Variants in ATAD2B observed in about 807,000 individuals in gnomAD.
The protein encoded by ATAD2B is ATPase family AAA domain-containing protein 2B.
ATAD2B carries 40 observed loss-of-function variants against 167.6 expected under a neutral mutation model. That is an observed-to-expected ratio of 0.24 (90% CI 0.19 to 0.31). ATAD2B has a LOEUF of 0.31. Ranked by LOEUF, ATAD2B falls within the 10% of genes least tolerant of loss-of-function variation. The pLI, the probability that ATAD2B is intolerant of heterozygous loss-of-function variation, is 1.00. For missense variants in ATAD2B, 1,242 were observed against 1,757.2 expected (o/e 0.71, Z 5.24); for synonymous variants, 579 against 596.5 (o/e 0.97, Z 0.43).
At chr2:23,696,736 G>C in the ATAD2B span, 1 of 482,698 alleles carries the variant, frequency 2.1e-6, no homozygotes, top group Non-Finnish European at 3.6e-6. This position sits in a 1 kb window ranked among gnomAD's most constrained non-coding sequence, Gnocchi z 5.5. Flanking sequence ...CAGTCGCTGA[G>C]ATGGGAGATG....
intron 21 of ATAD2B, 55 bp downstream of exon 21, chr2:23,785,972 A>AT (rs1680752780): frequency 1.4e-6 from 2 of 1,433,514 alleles, no homozygotes; most frequent in South Asian, 1.5e-5. Context: ...AGATGTCAAT[A>AT]TTTTTTTCTT....
At chr2:23,912,634 T>TA (rs554981046) in intron 1 of ATAD2B, among the ~76,000 whole-genome samples, 21 of 151,278 alleles carry the variant, frequency 1.4e-4, no homozygotes, top group South Asian at 4.2e-4. Context: ...AAATTTACTT[T>TA]AAAAAAAAAC....
the ATAD2B span, among the ~76,000 whole-genome samples, chr2:23,740,648 G>A: frequency 2.0e-5 from 3 of 152,150 alleles, no homozygotes; most frequent in African/African-American, 7.2e-5. Flanking sequence ...GCACAAGACA[G>A]GGATGCCCTC....
chr2:23,798,872 A>G (rs542187264), intron 18 of ATAD2B, among the ~76,000 whole-genome samples: 4 of 152,340 alleles, frequency 2.6e-5, no homozygotes, highest in East Asian at 3.9e-4. Context: ...TCTTAGTTCA[A>G]TATTTTATAA....
chr2:23,864,177 G>A (rs566108866), intron 11 of ATAD2B, among the ~76,000 whole-genome samples: 1 of 151,916 alleles, frequency 6.6e-6, no homozygotes, highest in Non-Finnish European at 1.5e-5. Flanking sequence ...GCTAATTTTT[G>A]TATTTTCAGT....
intron 22 of ATAD2B, among the ~76,000 whole-genome samples, chr2:23,770,693 T>C (rs572102134): frequency 1.4e-4 from 22 of 152,236 alleles, no homozygotes; most frequent in East Asian, 1.9e-4. Flanking sequence ...TCCTATTCCA[T>C]TGACCTATTT....
intron 15 of ATAD2B, among the ~76,000 whole-genome samples, chr2:23,826,748 G>A (rs1688318898): frequency 6.6e-6 from 1 of 152,098 alleles, no homozygotes; most frequent in African/African-American, 2.4e-5. Context: ...AGAAAAATAT[G>A]ATTAGAGTTG....
In ATAD2B at chr2:23,926,848, G is replaced by C. The variant is rs1704949818; in HGVS notation, c.-78C>G. On this transcript the variant is annotated 5_prime_UTR_variant, in exon 1 of 28. Coordinates refer to ENST00000238789, the MANE Select transcript of ATAD2B (RefSeq NM_017552.4). The stretch of plus-strand genomic sequence containing the variant: ...CCGGCCCGCCGGCCGGTCAGTCAGG[G>C]CCAGCGGAGCCGAGCCGGGCAATGA... 7.0e-6 allele frequency: 10 copies of C among 1,433,798 alleles called. No homozygotes were observed. In the South Asian group the frequency reaches 1.5e-4, roughly 21 times the overall value. 88.8% of individuals were successfully genotyped at this position (1,433,798 alleles called of 1,614,324 possible).
At chr2:23,792,264 G>T (rs948708158) in intron 19 of ATAD2B, among the ~76,000 whole-genome samples, 1 of 151,814 alleles carries the variant, frequency 6.6e-6, no homozygotes, top group Admixed American at 6.6e-5. Context: ...GGCCAGGATG[G>T]TCTCGATCTC....
intron 17 of ATAD2B, among the ~76,000 whole-genome samples, chr2:23,815,156 A>G (rs1686248326): frequency 6.6e-6 from 1 of 152,166 alleles, no homozygotes; most frequent in African/African-American, 2.4e-5. Context: ...TTTAGGGAAG[A>G]TAACTCTATC....
At chr2:23,746,493 G>A (rs1381253933), downstream of ATAD2B, among the ~76,000 whole-genome samples, 1 of 152,188 alleles carries the variant, frequency 6.6e-6, no homozygotes. Context: ...ACAATGTCTT[G>A]CTCATCTTTA....
chr2:23,889,223 A>G (rs1699120352), intron 2 of ATAD2B, among the ~76,000 whole-genome samples: 3 of 152,076 alleles, frequency 2.0e-5, no homozygotes, highest in Non-Finnish European at 4.4e-5. Flanking sequence ...GCTGGAGTAC[A>G]GTGGCGCGAT....
chr2:23,793,199 A>G (rs1682084416), intron 19 of ATAD2B, among the ~76,000 whole-genome samples: 1 of 152,180 alleles, frequency 6.6e-6, no homozygotes, highest in Non-Finnish European at 1.5e-5. Flanking sequence ...AACATTTAAG[A>G]TAACAAAATG....
chr2:23,873,658 A>T (rs1696349088), intron 8 of ATAD2B, among the ~76,000 whole-genome samples: 1 of 152,088 alleles, frequency 6.6e-6, no homozygotes, highest in Non-Finnish European at 1.5e-5. Flanking sequence ...TTTCTCAAAT[A>T]TTTTCGAGGT....
At chr2:23,786,824 A>G (rs1445342678) in intron 20 of ATAD2B, among the ~76,000 whole-genome samples, 1 of 152,134 alleles carries the variant, frequency 6.6e-6, no homozygotes, top group East Asian at 1.9e-4. Flanking sequence ...TTCAACACAA[A>G]TATCTCCCAG....
At chr2:23,684,604 T>G in the ATAD2B span, 1 of 1,392,422 alleles carries the variant, frequency 7.2e-7, no homozygotes, top group Non-Finnish European at 9.6e-7. This position sits in a 1 kb window ranked among gnomAD's most constrained non-coding sequence, Gnocchi z 4.4. Context: ...CGCTTTTCTC[T>G]TCCCCTCTCT....
At chr2:23,918,380 A>G (rs115753738) in intron 1 of ATAD2B, among the ~76,000 whole-genome samples, 83 of 152,200 alleles carry the variant, frequency 5.5e-4, no homozygotes, top group African/African-American at 1.9e-3. Flanking sequence ...CAAAAAATAC[A>G]TATATACTAC....
chr2:23,840,623 C>G (rs1173617446), intron 13 of ATAD2B, among the ~76,000 whole-genome samples: 1 of 152,144 alleles, frequency 6.6e-6, no homozygotes, highest in Non-Finnish European at 1.5e-5. Context: ...TGCTTTAAGG[C>G]ACATTATATG....
In ATAD2B at chr2:23,758,245, G is replaced by A. The variant is rs1676185092; in HGVS notation, c.3395-144C>T. ...CTACTTAGCTCTTGACATTCATGCT[G>A]ACTAATCCTTGCAACCTACAAATGG... On this transcript the variant is annotated intron_variant, in intron 24 of 27. Transcript: ENST00000238789. The A allele has an allele frequency of 1.6e-5, 10 of 629,308 alleles. No individual in the cohort carries two copies. In the East Asian group the frequency reaches 2.9e-4, roughly 18 times the overall value. The allele number at this position is 629,308 out of a possible 1,614,324, so 39.0% of individuals were successfully genotyped here. A position where few individuals can be genotyped will look rare whatever the true frequency, so the allele number is the denominator to read the frequency against.
Sources: allele counts gnomAD v4.1 joint callset (sites outside exome capture counted in the v4.1 genomes callset), GRCh38; gene constraint gnomAD v4.1.1; non-coding constraint Gnocchi (gnomAD v3.1); transcripts MANE v1.5; gene names NCBI Gene and HGNC (gene_info 2026-07-23, HGNC 2026-07-21).